Variants in ATP10B observed in about 807,000 individuals in gnomAD.
The protein encoded by ATP10B is ATPase phospholipid transporting 10B (putative), also known as phospholipid-transporting ATPase VB.
In ATP10B, 122 loss-of-function variants were observed where a neutral mutation model predicts 141.2. That is an observed-to-expected ratio of 0.86 (90% CI 0.75 to 1.00). The LOEUF is 1.00. ATP10B is among the 50% of genes least tolerant of loss of function. The pLI, the probability that ATP10B is intolerant of heterozygous loss-of-function variation, is 0.00. For missense variants in ATP10B, 1,876 were observed against 1,825.3 expected, an observed-to-expected ratio of 1.03 and a Z score of -0.51; for synonymous variants, 685 against 692.0, an observed-to-expected ratio of 0.99 and a Z score of 0.16.
intron 7 of ATP10B, among the ~76,000 whole-genome samples, chr5:160,667,688 A>C (rs1762406358): frequency 6.6e-6 from 1 of 152,222 alleles, no homozygotes; most frequent in Admixed American, 6.5e-5. Context: ...GCTGGTCTAT[A>C]GCACCGGAGT....
At chr5:160,890,277 T>C in the ATP10B span, among the ~76,000 whole-genome samples, 65,967 of 151,994 alleles carry the variant, frequency 0.43, 16,204 homozygotes, top group Non-Finnish European at 0.54. Context: ...CCCTGCTGAG[T>C]TTTTTTTGTA....
chr5:160,807,167 T>G (rs1278964177), intron 1 of ATP10B, among the ~76,000 whole-genome samples: 1 of 152,230 alleles, frequency 6.6e-6, no homozygotes, highest in African/African-American at 2.4e-5. Flanking sequence ...GAAATGTATC[T>G]ATAGTTGCTC....
At chr5:160,871,913 C>A in the ATP10B span, among the ~76,000 whole-genome samples, 1 of 152,044 alleles carries the variant, frequency 6.6e-6, no homozygotes, top group African/African-American at 2.4e-5. Context: ...AGACATCCAG[C>A]AGTGGGATTG....
chr5:160,914,504 C>G, the ATP10B span, among the ~76,000 whole-genome samples: 2 of 152,152 alleles, frequency 1.3e-5, no homozygotes, highest in East Asian at 3.8e-4. Context: ...CTTGTAATAC[C>G]TTATATGATG....
chr5:160,616,701 A>G (rs917047654), intron 16 of ATP10B, among the ~76,000 whole-genome samples: 1 of 152,216 alleles, frequency 6.6e-6, no homozygotes. Context: ...TATTTTGTTC[A>G]AGCATCAAAT....
the ATP10B span, among the ~76,000 whole-genome samples, chr5:160,922,120 A>T: frequency 2.0e-5 from 3 of 152,206 alleles, no homozygotes; most frequent in Non-Finnish European, 4.4e-5. Flanking sequence ...GAGAAGGATC[A>T]GCATCTGACT....
At chr5:160,794,683 C>G (rs1458780204) in intron 1 of ATP10B, among the ~76,000 whole-genome samples, 2 of 152,178 alleles carry the variant, frequency 1.3e-5, no homozygotes, top group African/African-American at 4.8e-5. Flanking sequence ...CTAAAAACAT[C>G]AAACTCCTTG....
At chr5:160,630,832 C>G (rs550320293) in intron 13 of ATP10B, among the ~76,000 whole-genome samples, 2 of 152,110 alleles carry the variant, frequency 1.3e-5, no homozygotes, top group African/African-American at 4.8e-5. Context: ...GACAATAACC[C>G]GAGAGGGAAC....
At chr5:160,900,585 C>T in the ATP10B span, among the ~76,000 whole-genome samples, 1 of 152,144 alleles carries the variant, frequency 6.6e-6, no homozygotes, top group African/African-American at 2.4e-5. Context: ...AATGTATGTG[C>T]TACTGCCATT....
intron 18 of ATP10B, among the ~76,000 whole-genome samples, chr5:160,607,374 A>C (rs1372386722): frequency 6.6e-6 from 1 of 152,224 alleles, no homozygotes; most frequent in African/African-American, 2.4e-5. Flanking sequence ...ATAATAAATA[A>C]TACTAATATA....
chr5:160,785,987 A>G (rs576277618), intron 1 of ATP10B, among the ~76,000 whole-genome samples, 184 bp from the exon 2 acceptor site: 50 of 152,270 alleles, frequency 3.3e-4, no homozygotes, highest in Non-Finnish European at 5.7e-4. Context: ...TCTGCCAGGG[A>G]ATCAGGTCTG....
chr5:160,694,368 C>T (rs1168598938), intron 3 of ATP10B, among the ~76,000 whole-genome samples: 1 of 152,134 alleles, frequency 6.6e-6, no homozygotes, highest in East Asian at 1.9e-4. Flanking sequence ...AATGGCACCT[C>T]CCACTAAAAA....
chr5:160,911,335 A>C, the ATP10B span, among the ~76,000 whole-genome samples: 2 of 152,220 alleles, frequency 1.3e-5, no homozygotes, highest in Admixed American at 1.3e-4. Flanking sequence ...CCTAGGTTTT[A>C]AAACAATGAC....
intron 1 of ATP10B, among the ~76,000 whole-genome samples, chr5:160,817,108 T>TC (rs1773694565): frequency 6.6e-6 from 1 of 152,140 alleles, no homozygotes; most frequent in Admixed American, 6.5e-5. Context: ...AGGGATGCCC[T>TC]CTCTCACCAC....
Position 160,845,111 on chromosome 5 carries a change from T to G in ATP10B, c.-576+6830A>C, listed in dbSNP as rs766819169. ...TTAAAAGATATAGCATCAAAAGAAATGTAGCACAATCTAATGTTGAAACTG... is the reference window on the plus strand; with the variant it reads ...TTAAAAGATATAGCATCAAAAGAAAGGTAGCACAATCTAATGTTGAAACTG... On this transcript the variant is annotated intron_variant, in intron 1 of 25. Coordinates refer to ENST00000327245, the MANE Select transcript of ATP10B (RefSeq NM_025153.3). Among the ~76,000 whole-genome samples the G allele has an allele frequency of 2.0e-4, 30 of 152,314 alleles. No individual in the cohort carries two copies. The Middle Eastern group carries it at 0.01, about 52-fold the overall frequency.
At chr5:160,648,508 G>A (rs1184234444) in intron 8 of ATP10B, among the ~76,000 whole-genome samples, 1 of 152,016 alleles carries the variant, frequency 6.6e-6, no homozygotes, top group Non-Finnish European at 1.5e-5. Flanking sequence ...GAAGACTAGT[G>A]GTCTGATAAG....
At chr5:160,777,322 T>C (rs1770406838) in intron 2 of ATP10B, among the ~76,000 whole-genome samples, 1 of 152,214 alleles carries the variant, frequency 6.6e-6, no homozygotes, top group Non-Finnish European at 1.5e-5. Flanking sequence ...CTGAAGCTGA[T>C]GCTGTCCTTA....
At chr5:160,819,055 G>A (rs1773906415) in intron 1 of ATP10B, among the ~76,000 whole-genome samples, 2 of 152,076 alleles carry the variant, frequency 1.3e-5, no homozygotes, top group South Asian at 2.1e-4. Context: ...TGCTAATGAC[G>A]AGTTAATGGG....
rs373661469 is a variant in ATP10B, at chr5:160,620,915, C to G, written c.1848G>C (p.Thr616=). ...AGAGCTGCTGAATCTTCTCCAGGGACGTCCCCAGAGCCTTGCTTGAGGGTT... is the reference window on the plus strand; with the variant it reads ...AGAGCTGCTGAATCTTCTCCAGGGAGGTCCCCAGAGCCTTGCTTGAGGGTT... ...TIKPSSKALG[T]SLEKIQQLFQ... The change falls in exon 15 of 26, where the codon ACG becomes ACC. Residue 616 remains threonine (T), a synonymous_variant. Transcript: ENST00000327245. 1 of 1,614,082 alleles carries G rather than the reference C, an allele frequency of 6.2e-7. No individual in the cohort carries two copies. The highest frequency in any genetic ancestry group is 1.6e-4 in the Middle Eastern group (1 of 6,062).
Sources: gnomAD v4.1 joint callset for allele counts (sites outside exome capture counted in the v4.1 genomes callset) on GRCh38, gnomAD v4.1.1 for gene constraint, MANE v1.5 for transcripts, NCBI Gene and HGNC (gene_info 2026-07-23, HGNC 2026-07-21) for gene names.